Variants in LRP11 observed in about 807,000 individuals in gnomAD.
LRP11 encodes the protein low-density lipoprotein receptor-related protein 11.
LRP11 carries 25 observed loss-of-function variants against 43.1 expected under a neutral mutation model. The observed-to-expected ratio is 0.58, with a 90% CI of 0.42 to 0.81. LRP11 has a LOEUF of 0.81. LRP11 is among the 30% of genes least tolerant of loss of function. The pLI is 0.00. For synonymous variants in LRP11, 316 were observed against 299.4 expected, an observed-to-expected ratio of 1.06 and a Z score of -0.57; for missense variants, 623 against 665.1, an observed-to-expected ratio of 0.94 and a Z score of 0.70.
chr6:149,832,826 T>C (rs1776426667), intron 5 of LRP11, among the ~76,000 whole-genome samples: 1 of 151,882 alleles, frequency 6.6e-6, no homozygotes, highest in Admixed American at 6.6e-5. Context: ...ATTTTATTTT[T>C]GAGACGGAGT....
intron 5 of LRP11, among the ~76,000 whole-genome samples, chr6:149,835,273 G>A (rs552975137): frequency 2.4e-4 from 37 of 152,260 alleles, no homozygotes; most frequent in Middle Eastern, 3.4e-3. Context: ...CACTGCATCT[G>A]GCTAAATTCT....
chr6:149,843,669 A>G (rs1469234232), intron 2 of LRP11, among the ~76,000 whole-genome samples: 1 of 152,104 alleles, frequency 6.6e-6, no homozygotes, highest in East Asian at 1.9e-4. Context: ...TGCTATTACT[A>G]TGCTCAAGTT....
intron 5 of LRP11, among the ~76,000 whole-genome samples, chr6:149,834,567 G>C (rs576555292): frequency 6.6e-6 from 1 of 152,204 alleles, no homozygotes; most frequent in African/African-American, 2.4e-5. Context: ...TCACCCCTTC[G>C]GCAGTCCTGC....
chr6:149,822,264 C>T (rs1776286651), intron 6 of LRP11, among the ~76,000 whole-genome samples: 1 of 151,684 alleles, frequency 6.6e-6, no homozygotes, highest in South Asian at 2.1e-4. Flanking sequence ...CACCTGAGCC[C>T]AGAAAGTTGA....
chr6:149,863,830 C>T lies in LRP11; in HGVS notation c.191G>A (p.Arg64Gln), dbSNP rs1165480100. 7.9e-6 allele frequency: 12 copies of T among 1,510,288 alleles called. No homozygotes were observed. The African/African-American group carries it at 1.6e-4, about 20-fold the overall frequency. 93.6% of individuals were successfully genotyped at this position (1,510,288 alleles called of 1,614,324 possible). A position where few individuals can be genotyped will look rare whatever the true frequency, so the allele number is the denominator to read the frequency against. ...GVEQLLEEFR[R>Q]QLQQERPQEE... is the part of the protein sequence containing the mutation. ...CTGAGGCCGCTCCTGCTGCAGTTGC[C>T]GGCGGAACTCCTCCAGCAGCTGCTC... The change falls in exon 1 of 7, where the codon CGG (arginine) becomes CAG (glutamine). Residue 64 changes from arginine (R) to glutamine (Q), a missense_variant. Physicochemically the swap from Arg to Gln is conservative, Grantham distance 43. Coordinates refer to ENST00000239367, the MANE Select transcript of LRP11 (RefSeq NM_032832.6).
intron 1 of LRP11, among the ~76,000 whole-genome samples, chr6:149,860,753 C>T (rs1193357142): frequency 2.6e-5 from 4 of 152,212 alleles, no homozygotes; most frequent in Non-Finnish European, 4.4e-5. Flanking sequence ...CCCGCCTTCC[C>T]TACCTCTACC....
chr6:149,843,952 A>G (rs1014297720), intron 2 of LRP11, among the ~76,000 whole-genome samples: 1 of 152,156 alleles, frequency 6.6e-6, no homozygotes, highest in Non-Finnish European at 1.5e-5. Flanking sequence ...CAACAATACT[A>G]TTTTTAAAAA....
chr6:149,839,408 G>T (rs1247924549), intron 3 of LRP11, among the ~76,000 whole-genome samples: 1 of 152,170 alleles, frequency 6.6e-6, no homozygotes, highest in Non-Finnish European at 1.5e-5. Context: ...CCGGCCACTG[G>T]GAAGAAGCAG....
At chr6:149,831,181 G>A (rs56800507) in intron 5 of LRP11, among the ~76,000 whole-genome samples, 2,538 of 152,274 alleles carry the variant, frequency 0.017, 69 homozygotes, top group African/African-American at 0.058. Context: ...TATGCATGGC[G>A]ACACATTCAC....
chr6:149,828,166 G>A (rs2115375449), intron 5 of LRP11, among the ~76,000 whole-genome samples: 1 of 151,916 alleles, frequency 6.6e-6, no homozygotes, highest in Admixed American at 6.5e-5. Flanking sequence ...ACTCCAACCT[G>A]GGCAACAGAG....
chr6:149,863,547 G>T lies in LRP11; in HGVS notation c.474C>A (p.Leu158=). 2 of 1,371,350 alleles carry T rather than the reference G, an allele frequency of 1.5e-6. No homozygotes were observed. The highest frequency in any genetic ancestry group is 1.9e-6 in the Non-Finnish European group (2 of 1,070,250). The allele number at this position is 1,371,350 out of a possible 1,614,324, so 84.9% of individuals were successfully genotyped here. ...PRRPAPPAAV[L]GCYLFNCTAR... is the part of the protein sequence containing the mutation. ...CCGTGCAGTTGAAGAGGTAGCAGCC[G>T]AGCACGGCTGCCGGGGGCGCGGGGC... The change falls in exon 1 of 7, where the codon CTC becomes CTA. Residue 158 remains leucine, a synonymous_variant. Coordinates refer to ENST00000239367, the MANE Select transcript of LRP11 (RefSeq NM_032832.6).
At chr6:149,837,575 C>A (rs954806862) in intron 3 of LRP11, 112 bp from the exon 4 acceptor site, 13 of 1,112,736 alleles carry the variant, frequency 1.2e-5, no homozygotes, top group Non-Finnish European at 1.5e-5. Context: ...GGAAGAGATG[C>A]AAATAATGAG....
At chr6:149,861,519 T>G (rs1776894547) in intron 1 of LRP11, among the ~76,000 whole-genome samples, 1 of 152,152 alleles carries the variant, frequency 6.6e-6, no homozygotes, top group Non-Finnish European at 1.5e-5. Flanking sequence ...CTGAAGTTTT[T>G]GTTTCTGTTT....
chr6:149,843,153 G>A (rs551339414), intron 2 of LRP11, 29 bp from the exon 3 acceptor site: 36 of 1,613,442 alleles, frequency 2.2e-5, no homozygotes, highest in African/African-American at 5.3e-5. Flanking sequence ...ACATCACGTC[G>A]AGCAGCAGAC....
chr6:149,831,666 A>T (rs1776409982), intron 5 of LRP11, among the ~76,000 whole-genome samples: 1 of 152,230 alleles, frequency 6.6e-6, no homozygotes. Context: ...ATTGGGTCAA[A>T]GCACACATAG....
chr6:149,823,450 A>C (rs1776301177), intron 6 of LRP11, among the ~76,000 whole-genome samples: 1 of 152,174 alleles, frequency 6.6e-6, no homozygotes, highest in Non-Finnish European at 1.5e-5. Flanking sequence ...CCTTGGAAAG[A>C]GGCGACACCT....
At chr6:149,842,582 A>G in intron 3 of LRP11, 3 of 1,491,698 alleles carry the variant, frequency 2.0e-6, no homozygotes, top group Non-Finnish European at 2.7e-6. Context: ...GCCTCCAGTA[A>G]CCGCCATTCC....
At chr6:149,837,276 C>T in intron 4 of LRP11, 62 bp downstream of exon 4, 6 of 1,565,180 alleles carry the variant, frequency 3.8e-6, no homozygotes, top group Non-Finnish European at 5.2e-6. Flanking sequence ...ATTCTCAGAA[C>T]ACAGACCTCC....
intron 5 of LRP11, among the ~76,000 whole-genome samples, chr6:149,835,666 A>C (rs1450276947): frequency 1.3e-5 from 2 of 152,178 alleles, no homozygotes; most frequent in Non-Finnish European, 2.9e-5. Context: ...ATTTAGTTAA[A>C]TTGGAGGCAT....
Sources: gnomAD v4.1 joint callset for allele counts (sites outside exome capture counted in the v4.1 genomes callset) on GRCh38, gnomAD v4.1.1 for gene constraint, MANE v1.5 for transcripts, NCBI Gene and HGNC (gene_info 2026-07-23, HGNC 2026-07-21) for gene names.